Variants in KCNIP4 observed in about 807,000 individuals in gnomAD.
The protein encoded by KCNIP4 is Kv channel-interacting protein 4.
KCNIP4 carries 12 observed loss-of-function variants against 34.0 expected under a neutral mutation model. The ratio of observed to expected loss-of-function variants is 0.35; its 90% CI spans 0.23 to 0.57. KCNIP4 has a LOEUF of 0.57. KCNIP4 is among the 20% of genes least tolerant of loss of function. The probability of loss-of-function intolerance (pLI) is 0.83; values close to 1 mark genes in which losing one functional copy is unlikely to be tolerated. For missense variants in KCNIP4, 238 were observed against 311.7 expected, an observed-to-expected ratio of 0.76 and a Z score of 1.78; for synonymous variants, 124 against 102.2, an observed-to-expected ratio of 1.21 and a Z score of -1.29.
intron 1 of KCNIP4, among the ~76,000 whole-genome samples, chr4:21,054,218 T>A (rs1743195703): frequency 6.6e-6 from 1 of 151,954 alleles, no homozygotes; most frequent in Non-Finnish European, 1.5e-5. Flanking sequence ...TTTACTATAA[T>A]TAAGACAATA....
Position 20,729,274 on chromosome 4 carries a change from A to G in KCNIP4, c.*808T>C, listed in dbSNP as rs948619718. The G allele has an allele frequency of 6.6e-6, 1 of 152,312 alleles. No homozygotes were observed. The highest frequency in any genetic ancestry group is 1.5e-5 in the Non-Finnish European group (1 of 68,012). 9.4% of individuals were successfully genotyped at this position (152,312 alleles called of 1,614,324 possible). A position where few individuals can be genotyped will look rare whatever the true frequency, so the allele number is the denominator to read the frequency against. ...TGACCCTTTGCATATGTCTGTAAACATCCTTGTTTTGTTTGATGCCTTCTT... is the reference window on the plus strand; with the variant it reads ...TGACCCTTTGCATATGTCTGTAAACGTCCTTGTTTTGTTTGATGCCTTCTT... On this transcript the variant is annotated 3_prime_UTR_variant, in exon 9 of 9. Transcript: ENST00000382152.
chr4:21,467,995 T>C (rs946247729), intron 1 of KCNIP4, among the ~76,000 whole-genome samples: 8 of 152,096 alleles, frequency 5.3e-5, no homozygotes, highest in Non-Finnish European at 8.8e-5. Flanking sequence ...AAGCTGGCAC[T>C]GATGGGAACA....
intron 1 of KCNIP4, among the ~76,000 whole-genome samples, chr4:21,211,303 C>G (rs999630954): frequency 6.6e-6 from 1 of 152,140 alleles, no homozygotes; most frequent in African/African-American, 2.4e-5. Context: ...ATGAGAGGGG[C>G]TCCCAACCCC....
chr4:21,479,780 A>C (rs767799577), intron 1 of KCNIP4, among the ~76,000 whole-genome samples: 3 of 152,216 alleles, frequency 2.0e-5, no homozygotes, highest in South Asian at 2.1e-4. Flanking sequence ...AAAATAAATA[A>C]AATTTTTAAG....
rs144565479 is a variant in KCNIP4 at position 21,742,405 on chromosome 4, G to A, written c.61+206166C>T. Among the ~76,000 whole-genome samples the A allele has an allele frequency of 8.7e-3, 1,330 of 152,282 alleles. 19 individuals carry two copies. The highest frequency in any genetic ancestry group is 0.039 in the South Asian group (187 of 4,828). On this transcript the variant is annotated intron_variant, in intron 1 of 8. Transcript: ENST00000382152. ...AAGCAACCTTCCTGATTGCGATTTA[G>A]CTCCCTACATGGATTTTCCATTGTG...
chr4:20,880,290 T>G (rs2149521593), intron 2 of KCNIP4, among the ~76,000 whole-genome samples: 1 of 152,172 alleles, frequency 6.6e-6, no homozygotes, highest in East Asian at 1.9e-4. Context: ...CATGAGAGAC[T>G]TTTGCAAACA....
At chr4:21,834,128 G>C (rs1180077242) in intron 1 of KCNIP4, among the ~76,000 whole-genome samples, 1 of 152,154 alleles carries the variant, frequency 6.6e-6, no homozygotes, top group African/African-American at 2.4e-5. Flanking sequence ...ATTCTGTGAA[G>C]AAAGTCATTG....
chr4:21,152,969 A>C (rs1465549583), intron 1 of KCNIP4, among the ~76,000 whole-genome samples: 6 of 152,148 alleles, frequency 3.9e-5, no homozygotes, highest in African/African-American at 1.4e-4. Context: ...AGGGTTGGGG[A>C]CCACTAATTT....
chr4:21,818,664 G>C (rs1722138733), intron 1 of KCNIP4, among the ~76,000 whole-genome samples: 1 of 152,184 alleles, frequency 6.6e-6, no homozygotes, highest in Non-Finnish European at 1.5e-5. Context: ...CATAACCACA[G>C]AAATTTCTGT....
At chr4:21,691,213 A>G (rs1397275111) in intron 1 of KCNIP4, among the ~76,000 whole-genome samples, 1 of 152,204 alleles carries the variant, frequency 6.6e-6, no homozygotes, top group Admixed American at 6.5e-5. Context: ...ATGGGGTCAG[A>G]CAATGGAAGC....
chr4:21,105,156 G>C (rs1204039187), intron 1 of KCNIP4, among the ~76,000 whole-genome samples: 3 of 151,514 alleles, frequency 2.0e-5, no homozygotes, highest in African/African-American at 7.3e-5. Flanking sequence ...GCTTGATGGG[G>C]ATGGCATTGA....
intron 1 of KCNIP4, among the ~76,000 whole-genome samples, chr4:21,909,062 C>T (rs1036731579): frequency 6.6e-6 from 1 of 151,318 alleles, no homozygotes; most frequent in East Asian, 1.9e-4. Flanking sequence ...GGTGTAAATA[C>T]AGAGTAAATG....
intron 1 of KCNIP4, among the ~76,000 whole-genome samples, chr4:21,843,036 A>G (rs1437188439): frequency 6.6e-6 from 1 of 152,098 alleles, no homozygotes; most frequent in African/African-American, 2.4e-5. Context: ...CAGAAAATAA[A>G]TGTTTTGCTT....
intron 1 of KCNIP4, among the ~76,000 whole-genome samples, chr4:21,789,170 A>G (rs1720110130): frequency 6.6e-6 from 1 of 151,976 alleles, no homozygotes; most frequent in South Asian, 2.1e-4. Context: ...CTCACACTCA[A>G]CAAATTCCAA....
intron 3 of KCNIP4, among the ~76,000 whole-genome samples, chr4:20,825,157 T>A (rs190962815): frequency 5.2e-4 from 79 of 151,550 alleles, no homozygotes; most frequent in African/African-American, 1.9e-3. Flanking sequence ...AGAAATTTGG[T>A]CTTACTGAGA....
intron 1 of KCNIP4, among the ~76,000 whole-genome samples, chr4:21,822,435 T>C (rs1036950984): frequency 2.0e-5 from 3 of 152,222 alleles, no homozygotes; most frequent in Middle Eastern, 3.4e-3. Flanking sequence ...AGGGTACTAA[T>C]CCAAAATGTC....
At chr4:20,946,080 T>G (rs1267655972) in intron 1 of KCNIP4, among the ~76,000 whole-genome samples, 1 of 152,208 alleles carries the variant, frequency 6.6e-6, no homozygotes, top group Non-Finnish European at 1.5e-5. Flanking sequence ...CTAAGTATTT[T>G]GGACACGGTC....
intron 1 of KCNIP4, among the ~76,000 whole-genome samples, chr4:21,795,066 T>C: frequency 6.6e-6 from 1 of 152,036 alleles, no homozygotes; most frequent in East Asian, 1.9e-4. Context: ...CTAACTCACC[T>C]CAAACTGAGA....
chr4:20,790,359 G>C (rs1053895178), intron 3 of KCNIP4, among the ~76,000 whole-genome samples: 1 of 152,040 alleles, frequency 6.6e-6, no homozygotes, highest in Non-Finnish European at 1.5e-5. Context: ...TTATAAGTAG[G>C]CTACCCTAAA....
Sources: allele counts gnomAD v4.1 joint callset (sites outside exome capture counted in the v4.1 genomes callset), GRCh38; gene constraint gnomAD v4.1.1; transcripts MANE v1.5; gene names NCBI Gene and HGNC (gene_info 2026-07-23, HGNC 2026-07-21).